Variants in SLC8A1 observed in about 807,000 individuals in gnomAD.
The protein encoded by SLC8A1 is sodium/calcium exchanger 1.
Under a neutral mutation model 68.3 loss-of-function variants are expected in SLC8A1, and 18 were observed. The observed-to-expected ratio is 0.26, with a 90% CI of 0.18 to 0.39. SLC8A1 has a LOEUF of 0.39. Among genes scored for constraint, SLC8A1 ranks in the 10% least tolerant of loss-of-function variants. SLC8A1 has a pLI of 1.00. For synonymous variants in SLC8A1, 475 were observed against 415.5 expected, an observed-to-expected ratio of 1.14 and a Z score of -1.74; for missense variants, 985 against 1,156.7, an observed-to-expected ratio of 0.85 and a Z score of 2.15.
chr2:40,319,673 A>T (rs900556188), intron 2 of SLC8A1, among the ~76,000 whole-genome samples: 1 of 152,106 alleles, frequency 6.6e-6, no homozygotes, highest in African/African-American at 2.4e-5. Flanking sequence ...CATGACAGTA[A>T]CACGAAGTCT....
intron 6 of SLC8A1, among the ~76,000 whole-genome samples, chr2:40,150,917 C>G (rs1282592114): frequency 6.6e-6 from 1 of 152,150 alleles, no homozygotes; most frequent in Non-Finnish European, 1.5e-5. Context: ...TTTAGATCGA[C>G]AGATATCCTA....
intron 2 of SLC8A1, among the ~76,000 whole-genome samples, chr2:40,217,625 A>G (rs2057698811): frequency 6.6e-6 from 1 of 152,106 alleles, no homozygotes; most frequent in African/African-American, 2.4e-5. Flanking sequence ...GAGGATTCCT[A>G]CTTTAGAGTG....
chr2:40,364,403 T>G (rs1176741775), intron 2 of SLC8A1, among the ~76,000 whole-genome samples: 1 of 151,608 alleles, frequency 6.6e-6, no homozygotes, highest in Non-Finnish European at 1.5e-5. Context: ...CTTTATTGAT[T>G]CATTAAAAAT....
At chr2:40,142,102 C>T (rs1051478309) in intron 6 of SLC8A1, among the ~76,000 whole-genome samples, 3 of 152,186 alleles carry the variant, frequency 2.0e-5, no homozygotes, top group South Asian at 2.1e-4. Context: ...TATATCATGA[C>T]GTGGAAATGT....
intron 1 of SLC8A1, among the ~76,000 whole-genome samples, chr2:40,435,107 C>T (rs1469430817): frequency 6.6e-6 from 1 of 152,142 alleles, no homozygotes; most frequent in East Asian, 1.9e-4. Flanking sequence ...CTAATGGCAT[C>T]CTCTTGATTG....
chr2:40,192,988 A>C (rs922704290), intron 2 of SLC8A1, among the ~76,000 whole-genome samples: 1 of 152,122 alleles, frequency 6.6e-6, no homozygotes, highest in Non-Finnish European at 1.5e-5. Flanking sequence ...GACAGCATTA[A>C]GTATGTGTGC....
intron 2 of SLC8A1, among the ~76,000 whole-genome samples, chr2:40,327,380 T>C (rs1177299443): frequency 6.6e-6 from 1 of 152,178 alleles, no homozygotes; most frequent in East Asian, 1.9e-4. Context: ...ATTATTCCCC[T>C]AGAATAAAGT....
chr2:40,435,218 A>G (rs1166246807), intron 1 of SLC8A1, among the ~76,000 whole-genome samples: 1 of 152,184 alleles, frequency 6.6e-6, no homozygotes, highest in Non-Finnish European at 1.5e-5. Context: ...AAGCTAAGCA[A>G]TTAATCTGTT....
intron 2 of SLC8A1, among the ~76,000 whole-genome samples, chr2:40,239,350 AT>A (rs1365440830): frequency 1.3e-5 from 2 of 152,032 alleles, no homozygotes; most frequent in African/African-American, 4.8e-5. Flanking sequence ...AGTTATCTGG[AT>A]TTTTTTCCTA....
At chr2:40,468,998 T>C (rs1433759889) in intron 1 of SLC8A1, among the ~76,000 whole-genome samples, 5 of 152,162 alleles carry the variant, frequency 3.3e-5, no homozygotes, top group African/African-American at 1.2e-4. Context: ...TTTCAATATA[T>C]GCTTCTAAAA....
chr2:40,202,458 A>T (rs2054567628), intron 2 of SLC8A1, among the ~76,000 whole-genome samples: 1 of 152,024 alleles, frequency 6.6e-6, no homozygotes, highest in Admixed American at 6.6e-5. Flanking sequence ...GATTGTTAAT[A>T]GTGAACTATA....
chr2:40,417,987 A>G (rs1694377943), intron 2 of SLC8A1, among the ~76,000 whole-genome samples: 1 of 152,138 alleles, frequency 6.6e-6, no homozygotes, highest in Non-Finnish European at 1.5e-5. Flanking sequence ...TGCTTCATAT[A>G]TAAGAATTGA....
chr2:40,177,927 CTG>C, intron 2 of SLC8A1: 1 of 935,122 alleles, frequency 1.1e-6, no homozygotes, highest in South Asian at 1.4e-5. Context: ...GTCCACCAAG[CTG>C]AATGTTACTG....
intron 2 of SLC8A1, among the ~76,000 whole-genome samples, chr2:40,214,516 C>A (rs1351751939): frequency 6.6e-6 from 1 of 151,236 alleles, no homozygotes; most frequent in Non-Finnish European, 1.5e-5. Context: ...AATCTTGGCT[C>A]ACTGCAACCT....
At chr2:40,243,784 G>T (rs952115248) in intron 2 of SLC8A1, among the ~76,000 whole-genome samples, 2 of 152,194 alleles carry the variant, frequency 1.3e-5, no homozygotes, top group East Asian at 3.9e-4. Flanking sequence ...ATTTATAGTT[G>T]AATCTATTTT....
chr2:40,146,564 C>T (rs2042502388), intron 6 of SLC8A1, among the ~76,000 whole-genome samples: 1 of 151,956 alleles, frequency 6.6e-6, no homozygotes, highest in South Asian at 2.1e-4. Flanking sequence ...TATGTACTCA[C>T]CATAATGTGG....
At chr2:40,291,109 C>G (rs1297013596) in intron 2 of SLC8A1, among the ~76,000 whole-genome samples, 1 of 152,192 alleles carries the variant, frequency 6.6e-6, no homozygotes, top group Non-Finnish European at 1.5e-5. Flanking sequence ...TATAAGGGAA[C>G]TGGATGTAGG....
At chr2:40,461,762 C>A (rs1268203877) in intron 1 of SLC8A1, among the ~76,000 whole-genome samples, 3 of 152,172 alleles carry the variant, frequency 2.0e-5, no homozygotes, top group East Asian at 1.9e-4. Context: ...TTGTTAAAGG[C>A]AGTCTTATTT....
intron 2 of SLC8A1, among the ~76,000 whole-genome samples, chr2:40,362,712 A>T (rs4621205): frequency 6.6e-6 from 1 of 152,160 alleles, no homozygotes; most frequent in Non-Finnish European, 1.5e-5. Context: ...GTAAGTTTAT[A>T]AACCAAATAA....
Sources: gnomAD v4.1 joint callset for allele counts (sites outside exome capture counted in the v4.1 genomes callset) on GRCh38, gnomAD v4.1.1 for gene constraint, MANE v1.5 for transcripts, NCBI Gene and HGNC (gene_info 2026-07-23, HGNC 2026-07-21) for gene names.